Variants in ADGRL2 observed in about 807,000 individuals in gnomAD.
The protein encoded by ADGRL2 is adhesion G protein-coupled receptor L2.
A neutral mutation model predicts 157.4 loss-of-function variants in ADGRL2; 44 were observed. That is an observed-to-expected ratio of 0.28 (90% confidence interval 0.22 to 0.36). ADGRL2 has a LOEUF of 0.36. Among genes scored for constraint, ADGRL2 ranks in the 10% least tolerant of loss-of-function variants. The pLI, the probability that ADGRL2 is intolerant of heterozygous loss-of-function variation, is 1.00. For missense variants in ADGRL2, 1,510 were observed against 1,768.9 expected (o/e 0.85, Z 2.63); for synonymous variants, 585 against 624.7 (o/e 0.94, Z 0.95).
intron 1 of ADGRL2, among the ~76,000 whole-genome samples, chr1:81,394,192 T>C (rs2076611642): frequency 1.3e-5 from 2 of 152,192 alleles, no homozygotes; most frequent in Admixed American, 6.6e-5. Context: ...TATGTGTTAT[T>C]ATTTATTATA....
chr1:81,847,641 G>C (rs709706), intron 2 of ADGRL2, among the ~76,000 whole-genome samples: 150,938 of 151,984 alleles, frequency 0.99, 74,964 homozygotes, highest in Middle Eastern at 1. Context: ...GACCTTTTAT[G>C]TGGTGAGTTG....
At chr1:81,863,143 G>T (rs892379651) in intron 2 of ADGRL2, among the ~76,000 whole-genome samples, 3 of 152,134 alleles carry the variant, frequency 2.0e-5, no homozygotes, top group Non-Finnish European at 2.9e-5. Context: ...GTGCTAGCTG[G>T]TGTCAGACAT....
chr1:81,673,528 T>G (rs1395664662), intron 3 of ADGRL2, among the ~76,000 whole-genome samples: 1 of 148,612 alleles, frequency 6.7e-6, no homozygotes, highest in South Asian at 2.2e-4. Flanking sequence ...TTTTTTTTTT[T>G]TTTTGAGACG....
chr1:81,363,907 A>C (rs1452024757), intron 1 of ADGRL2, among the ~76,000 whole-genome samples: 1 of 152,150 alleles, frequency 6.6e-6, no homozygotes, highest in African/African-American at 2.4e-5. Flanking sequence ...CCTTCTGTAA[A>C]TATCTACTGT....
At chr1:81,547,330 C>T (rs1026790791) in intron 2 of ADGRL2, among the ~76,000 whole-genome samples, 3 of 152,184 alleles carry the variant, frequency 2.0e-5, no homozygotes, top group Non-Finnish European at 2.9e-5. Flanking sequence ...TTCTCATCCT[C>T]TTGAAGGAGC....
At chr1:81,500,734 G>A (rs1339503824) in intron 2 of ADGRL2, among the ~76,000 whole-genome samples, 2 of 152,038 alleles carry the variant, frequency 1.3e-5, no homozygotes, top group Non-Finnish European at 2.9e-5. Context: ...TACTAGTGAT[G>A]GTGTGCAACA....
chr1:81,969,072 T>C (rs1354241094), intron 14 of ADGRL2, 106 bp from the exon 15 acceptor site: 2 of 797,440 alleles, frequency 2.5e-6, no homozygotes, highest in Admixed American at 2.3e-5. Flanking sequence ...ATAGTATTCT[T>C]CAAAGAGTTC....
At chr1:81,983,055 CATTTT>C (rs1189311181) in intron 19 of ADGRL2, among the ~76,000 whole-genome samples, 2 of 121,676 alleles carry the variant, frequency 1.6e-5, no homozygotes, top group African/African-American at 3.0e-5. Context: ...CATAAGTGAG[CATTTT>C]ATTATTGTAT....
chr1:81,984,861 C>T, intron 20 of ADGRL2, 150 bp downstream of exon 20: 1 of 832,432 alleles, frequency 1.2e-6, no homozygotes, highest in East Asian at 2.7e-5. Context: ...TCAATGTCTT[C>T]TTAAACATTT....
At chr1:81,403,236 T>G (rs1322578500) in intron 1 of ADGRL2, among the ~76,000 whole-genome samples, 2 of 39,156 alleles carry the variant, frequency 5.1e-5, no homozygotes, top group Non-Finnish European at 1.0e-4. Context: ...TTGTTTTTTT[T>G]TTGTTGTTGT....
intron 2 of ADGRL2, among the ~76,000 whole-genome samples, chr1:81,793,403 T>C (rs2087440159): frequency 6.6e-6 from 1 of 152,120 alleles, no homozygotes; most frequent in Non-Finnish European, 1.5e-5. Context: ...TTAGAATCAT[T>C]GGCCTCTGCT....
chr1:81,911,361 T>C (rs534848265), intron 3 of ADGRL2, among the ~76,000 whole-genome samples: 1 of 152,292 alleles, frequency 6.6e-6, no homozygotes, highest in Admixed American at 6.5e-5. Flanking sequence ...ACACTTTGAA[T>C]TCATTAACAA....
chr1:81,635,209 T>C (rs533371262), intron 3 of ADGRL2, among the ~76,000 whole-genome samples: 32 of 152,282 alleles, frequency 2.1e-4, no homozygotes, highest in African/African-American at 7.0e-4. Flanking sequence ...CTTTATTGGC[T>C]TTCCTCTCTC....
intron 4 of ADGRL2, among the ~76,000 whole-genome samples, chr1:81,938,994 T>C (rs2095349651): frequency 6.6e-6 from 1 of 151,600 alleles, no homozygotes; most frequent in African/African-American, 2.4e-5. Context: ...TTGATAAAAT[T>C]GTCACCATCA....
chr1:81,803,335 G>A (rs1262939105), intron 1 of ADGRL2, among the ~76,000 whole-genome samples: 3 of 152,100 alleles, frequency 2.0e-5, no homozygotes, highest in African/African-American at 7.2e-5. Context: ...CTTGGGACCC[G>A]TAAAGTTTGT....
rs61773965 is a variant in ADGRL2 at position 81,975,300 on chromosome 1, G to A, written c.3021+3382G>A. The stretch of plus-strand genomic sequence containing the variant: ...ACCAAGTTTAGACAAATGTTTGTGT[G>A]CGCAGCTGTAACTCCACCTTTTTCC... On this transcript the variant is annotated intron_variant, in intron 17 of 23. Coordinates refer to ENST00000686636, the MANE Select transcript of ADGRL2 (RefSeq NM_001366006.2). 5.6e-3 allele frequency among the ~76,000 whole-genome samples: 858 copies of A among 152,158 alleles called. 3 individuals carry two copies. The highest frequency in any genetic ancestry group is 6.4e-3 in the Non-Finnish European group (437 of 67,994).
At chr1:81,885,690 C>G (rs2094112800) in intron 2 of ADGRL2, among the ~76,000 whole-genome samples, 1 of 152,180 alleles carries the variant, frequency 6.6e-6, no homozygotes, top group Non-Finnish European at 1.5e-5. Context: ...AGATGGGGAT[C>G]ACAGCAATTA....
At chr1:81,348,553 T>C (rs1662648926) in intron 1 of ADGRL2, among the ~76,000 whole-genome samples, 1 of 151,870 alleles carries the variant, frequency 6.6e-6, no homozygotes, top group Non-Finnish European at 1.5e-5. Context: ...AAAGTAAACA[T>C]GAATTGAGAT....
chr1:81,692,867 G>A (rs1227593547), intron 3 of ADGRL2, among the ~76,000 whole-genome samples: 1 of 152,074 alleles, frequency 6.6e-6, no homozygotes, highest in Admixed American at 6.5e-5. Context: ...GAAAGTTCTG[G>A]TACCACTGGA....
Sources: gnomAD v4.1 joint callset for allele counts (sites outside exome capture counted in the v4.1 genomes callset) on GRCh38, gnomAD v4.1.1 for gene constraint, MANE v1.5 for transcripts, NCBI Gene and HGNC (gene_info 2026-07-23, HGNC 2026-07-21) for gene names.